Variants in RHOQ observed in about 807,000 individuals in gnomAD.
The protein encoded by RHOQ is rho-related GTP-binding protein RhoQ.
In RHOQ, 7 loss-of-function variants were observed where a neutral mutation model predicts 25.8. The observed-to-expected ratio is 0.27, with a 90% CI of 0.15 to 0.51. The LOEUF (loss-of-function observed/expected upper bound fraction) is 0.51, where lower values mean the gene tolerates loss of function less well. RHOQ is among the 20% of genes least tolerant of loss of function. The pLI is 0.97. For missense variants in RHOQ, 165 were observed against 260.6 expected (o/e 0.63, Z 2.53); for synonymous variants, 97 against 98.6 (o/e 0.98, Z 0.10).
intron 2 of RHOQ, among the ~76,000 whole-genome samples, chr2:46,550,661 C>G (rs563678312): frequency 6.6e-6 from 1 of 152,220 alleles, no homozygotes; most frequent in Non-Finnish European, 1.5e-5. Flanking sequence ...ATCGGCCAGC[C>G]GGCTCACTTC....
At position 46,556,822 on chromosome 2, in the gene RHOQ, C is replaced by G. The variant is rs567101810; in HGVS notation, c.201+13010C>G. Reference sequence around the variant, plus strand: ...ACCCGGCTGTTTGACCTGAGCTTCCCAGATAGGCAAGGTTTCTGTGGGGCC... The same window carrying G: ...ACCCGGCTGTTTGACCTGAGCTTCCGAGATAGGCAAGGTTTCTGTGGGGCC... On this transcript the variant is annotated intron_variant, in intron 2 of 4. Transcript: ENST00000238738. This position sits in a 1 kb window ranked among gnomAD's most constrained non-coding sequence, Gnocchi z 4.9. Among the ~76,000 whole-genome samples, 1 of 152,184 alleles carries G rather than the reference C, an allele frequency of 6.6e-6. No homozygotes were observed. Among genetic ancestry groups the G allele is most frequent in the African/African-American group, 2.4e-5 (1 of 41,500 alleles).
intron 2 of RHOQ, among the ~76,000 whole-genome samples, chr2:46,562,635 C>T (rs1668610240): frequency 6.6e-6 from 1 of 152,188 alleles, no homozygotes; most frequent in African/African-American, 2.4e-5. Context: ...TGAAACCTGC[C>T]TGCTGTGTGC....
intron 2 of RHOQ, among the ~76,000 whole-genome samples, chr2:46,574,509 C>T (rs749230142): frequency 1.3e-5 from 2 of 152,062 alleles, no homozygotes; most frequent in African/African-American, 2.4e-5. Context: ...TTCATACCCA[C>T]CCTATTTGAT....
intron 2 of RHOQ, among the ~76,000 whole-genome samples, chr2:46,554,109 T>TTG (rs1397919906): frequency 6.8e-6 from 1 of 147,488 alleles, no homozygotes; most frequent in Non-Finnish European, 1.5e-5. Context: ...CAGGATCTCA[T>TTG]TGTGTGTGTG....
chr2:46,554,935 G>T (rs1267021512), intron 2 of RHOQ, among the ~76,000 whole-genome samples: 1 of 152,030 alleles, frequency 6.6e-6, no homozygotes, highest in Non-Finnish European at 1.5e-5. Context: ...TGAGCATCCA[G>T]TTCAATTAAA....
chr2:46,569,370 G>A lies in RHOQ; in HGVS notation c.202-6717G>A, dbSNP rs1253457723. 1 of 152,204 alleles carries A rather than the reference G, an allele frequency of 6.6e-6. No individual in the cohort carries two copies. The highest frequency in any genetic ancestry group is 1.5e-5 in the Non-Finnish European group (1 of 68,042). 9.4% of individuals were successfully genotyped at this position (152,204 alleles called of 1,614,324 possible). A position where few individuals can be genotyped will look rare whatever the true frequency, so the allele number is the denominator to read the frequency against. On this transcript the variant is annotated intron_variant, in intron 2 of 4. Coordinates refer to ENST00000238738, the MANE Select transcript of RHOQ (RefSeq NM_012249.4). The surrounding 1 kb of genome is among the most constrained non-coding windows in gnomAD (Gnocchi z 4.1). ...CTCCCACATTAAATCTGCTAGTAGG[G>A]CTGCTCACAAGGGTAAGAAGTGTTA...
chr2:46,563,318 G>A (rs938719197), intron 2 of RHOQ, among the ~76,000 whole-genome samples: 1 of 152,178 alleles, frequency 6.6e-6, no homozygotes, highest in East Asian at 1.9e-4. Flanking sequence ...CATCAGTGAG[G>A]TGGCAGCTGA....
Position 46,582,831 on chromosome 2 carries a change from T to A in RHOQ, c.*1748T>A, listed in dbSNP as rs1310686833. On this transcript the variant is annotated 3_prime_UTR_variant, in exon 5 of 5. Coordinates refer to ENST00000238738, the MANE Select transcript of RHOQ (RefSeq NM_012249.4). ...GATTTTTAAAAATATAAGCATCACC[T>A]TCCCATTGAAGAGTGGAGAGAGTCT... 6.6e-6 allele frequency: 1 copy of A among 152,600 alleles called. No homozygotes were observed. Among genetic ancestry groups the A allele is most frequent in the Non-Finnish European group, 1.5e-5 (1 of 68,024 alleles). The allele number at this position is 152,600 out of a possible 1,614,324, so 9.5% of individuals were successfully genotyped here. A position where few individuals can be genotyped will look rare whatever the true frequency, so the allele number is the denominator to read the frequency against.
chr2:46,549,978 G>C (rs1226373440), intron 2 of RHOQ, among the ~76,000 whole-genome samples: 1 of 152,180 alleles, frequency 6.6e-6, no homozygotes, highest in African/African-American at 2.4e-5. Context: ...TGTAATCTCA[G>C]TACTTTGGGA....
In RHOQ at chr2:46,543,808, G is replaced by C. The variant is rs767682688; in HGVS notation, c.197G>C (p.Gly66Ala). 8.1e-6 allele frequency: 13 copies of C among 1,613,300 alleles called. No individual in the cohort carries two copies. Among genetic ancestry groups the C allele is most frequent in the Non-Finnish European group, 1.0e-5 (12 of 1,179,662 alleles). Reference protein sequence around the residue: ...QYLLGLYDTAGQEDYDRLRPL... With the variant: ...QYLLGLYDTAAQEDYDRLRPL... Reference sequence around the variant, plus strand: ...CTCCTAGGACTCTATGACACGGCCGGACAGGTGAGTGTCTTGGCCTCTGGC... The same window carrying C: ...CTCCTAGGACTCTATGACACGGCCGCACAGGTGAGTGTCTTGGCCTCTGGC... The change falls in exon 2 of 5, where the codon GGA (glycine) becomes GCA (alanine). Residue 66 changes from glycine (G) to alanine (A), a missense_variant. Coordinates refer to ENST00000238738, the MANE Select transcript of RHOQ (RefSeq NM_012249.4).
chr2:46,570,239 G>C (rs1166472391), intron 2 of RHOQ, among the ~76,000 whole-genome samples: 1 of 152,152 alleles, frequency 6.6e-6, no homozygotes, highest in African/African-American at 2.4e-5. Flanking sequence ...AAGAGATTGA[G>C]ACCCTCCTGG....
chr2:46,580,882 T>C, intron 4 of RHOQ, 46 bp from the exon 5 acceptor site: 2 of 1,359,100 alleles, frequency 1.5e-6, no homozygotes, highest in Non-Finnish European at 1.9e-6. Context: ...ATGCCAATTG[T>C]ATAAACATGA....
chr2:46,558,951 A>AGGTTT (rs1316268821), intron 2 of RHOQ, among the ~76,000 whole-genome samples: 3 of 151,534 alleles, frequency 2.0e-5, no homozygotes, highest in African/African-American at 4.9e-5. Context: ...TAAGCGGTTT[A>AGGTTT]GGTTTTGTTT....
At chr2:46,558,191 G>A (rs986266735) in intron 2 of RHOQ, among the ~76,000 whole-genome samples, 4 of 152,144 alleles carry the variant, frequency 2.6e-5, no homozygotes, top group Admixed American at 2.6e-4. Flanking sequence ...CCTCTTGCCT[G>A]CTGCACAGCT....
intron 2 of RHOQ, chr2:46,568,340 A>G (rs978152200): frequency 1.3e-5 from 2 of 152,132 alleles, no homozygotes; most frequent in Non-Finnish European, 2.9e-5. Context: ...CTCACAACCA[A>G]CCTCCAGAAA....
chr2:46,578,569 C>CAAAAA (rs755333304), intron 4 of RHOQ, among the ~76,000 whole-genome samples: 7 of 24,070 alleles, frequency 2.9e-4, no homozygotes, highest in East Asian at 3.3e-3. Context: ...CCATCTCTAC[C>CAAAAA]AAAAAAAAAA....
In RHOQ at chr2:46,579,292, G is replaced by A. The variant is rs1352510670; in HGVS notation, c.463-1636G>A. 9.9e-5 allele frequency among the ~76,000 whole-genome samples: 15 copies of A among 152,134 alleles called. 2 individuals are homozygous for A. The highest frequency in any genetic ancestry group is 2.2e-4 in the Non-Finnish European group (15 of 68,006). ...TCCCTGGTTGGAGGGCCCCAGTGAT[G>A]AGCACTCAGCTTTGTGGATGTCTTC... On this transcript the variant is annotated intron_variant, in intron 4 of 4. Transcript: ENST00000238738.
At chr2:46,579,730 C>T (rs1247235616) in intron 4 of RHOQ, among the ~76,000 whole-genome samples, 1 of 152,012 alleles carries the variant, frequency 6.6e-6, no homozygotes, top group Non-Finnish European at 1.5e-5. Flanking sequence ...TGCCTGTAAT[C>T]CCAGCTAGTC....
chr2:46,572,853 A>G, intron 2 of RHOQ: 1 of 409,466 alleles, frequency 2.4e-6, no homozygotes. Context: ...GCTGAAGATG[A>G]AAGATTCTGC....
Sources: allele counts gnomAD v4.1 joint callset (sites outside exome capture counted in the v4.1 genomes callset), GRCh38; gene constraint gnomAD v4.1.1; non-coding constraint Gnocchi (gnomAD v3.1); transcripts MANE v1.5; gene names NCBI Gene and HGNC (gene_info 2026-07-23, HGNC 2026-07-21).